POLR3A: variants seen among roughly 807,000 people sequenced by gnomAD.
The protein encoded by POLR3A is RNA polymerase III subunit A, also known as DNA-directed RNA polymerase III subunit RPC1.
POLR3A carries 112 observed loss-of-function variants against 152.8 expected under a neutral mutation model. That is an observed-to-expected ratio of 0.73 (90% CI 0.63 to 0.86). The LOEUF (loss-of-function observed/expected upper bound fraction) is 0.86. Among genes scored for constraint, POLR3A ranks in the 40% least tolerant of loss-of-function variants. POLR3A has a pLI of 0.00. For synonymous variants in POLR3A, 615 were observed against 652.1 expected (o/e 0.94, Z 0.87); for missense variants, 1,385 against 1,743.1 (o/e 0.79, Z 3.66).
Position 78,024,598 on chromosome 10 carries a change from G to A in POLR3A, c.596C>T (p.Thr199Ile), listed in dbSNP as rs773246544. 1 of 1,613,878 alleles carries A rather than the reference G, an allele frequency of 6.2e-7. No individual in the cohort carries two copies. Among genetic ancestry groups the A allele is most frequent in the African/African-American group, 1.3e-5 (1 of 74,884 alleles). ...IVSNFLQSFE[T>I]AIEHNKEVEP... Reference sequence around the variant, plus strand: ...CACTTCTTTATTATGTTCAATGGCTGTTTCAAAAGACTGAAGGAAATTTGA... The same window carrying A: ...CACTTCTTTATTATGTTCAATGGCTATTTCAAAAGACTGAAGGAAATTTGA... Residue 199 changes from threonine (T) to isoleucine (I), a missense_variant, in exon 5 of 31, where the codon ACA becomes ATA. Transcript: ENST00000372371.
chr10:77,986,280 A>T, intron 21 of POLR3A, 121 bp from the exon 22 acceptor site: 1 of 741,492 alleles, frequency 1.3e-6, no homozygotes, highest in Non-Finnish European at 2.5e-6. Context: ...AGCTCCATAT[A>T]TAGTATAAAG....
rs1447386652 is a variant in POLR3A at position 78,009,991 on chromosome 10, C to T, written c.1643G>A (p.Gly548Asp). ...GTCCTTGAGAGTGAGGAGATAGGCA[C>T]CTAAGCATTAGGAACCAACACAAAA... is the stretch of plus-strand genomic sequence containing the variant. Reference protein sequence around the residue: ...LIAAIQDFLTGAYLLTLKDTF... With the variant: ...LIAAIQDFLTDAYLLTLKDTF... Residue 548 changes from glycine (G) to aspartate (D), a missense_variant and splice_region_variant, in exon 13 of 31, where the codon GGT becomes GAT. Transcript: ENST00000372371. 1 of 1,613,900 alleles carries T rather than the reference C, an allele frequency of 6.2e-7. No individual in the cohort carries two copies. The highest frequency in any genetic ancestry group is 8.5e-7 in the Non-Finnish European group (1 of 1,179,854).
chr10:78,006,499 T>A (rs1027640352), intron 15 of POLR3A, among the ~76,000 whole-genome samples: 8 of 151,322 alleles, frequency 5.3e-5, no homozygotes, highest in Non-Finnish European at 1.2e-4. Flanking sequence ...GATAAAATTT[T>A]AAAAATCAAC....
Position 78,010,452 on chromosome 10 carries a change from G to A in POLR3A, c.1642+19C>T, listed in dbSNP as rs1242851974. On this transcript the variant is annotated intron_variant, in intron 12 of 30. Transcript: ENST00000372371. ...GTTCCAGTCAGAAATCTCCTTTCAAGTGAACTTCACCAACCTACCTGTTAG... is the reference window on the plus strand; with the variant it reads ...GTTCCAGTCAGAAATCTCCTTTCAAATGAACTTCACCAACCTACCTGTTAG... The A allele has an allele frequency of 6.3e-7, 1 of 1,582,394 alleles. No individual in the cohort carries two copies. Among genetic ancestry groups the A allele is most frequent in the Admixed American group, 1.7e-5 (1 of 59,978 alleles).
chr10:77,989,586 C>A (rs1353809131), intron 21 of POLR3A, among the ~76,000 whole-genome samples: 1 of 152,180 alleles, frequency 6.6e-6, no homozygotes, highest in Non-Finnish European at 1.5e-5. Flanking sequence ...CTGTGTTAAA[C>A]CTTTTCAAGG....
At chr10:78,026,053 A>C (rs530282797) in intron 2 of POLR3A, 41 bp downstream of exon 2, 1 of 1,610,890 alleles carries the variant, frequency 6.2e-7, no homozygotes, top group South Asian at 1.1e-5. Flanking sequence ...TTTTATCAGC[A>C]GGGCAAGACA....
chr10:78,014,119 T>C (rs1164976140), intron 10 of POLR3A, among the ~76,000 whole-genome samples: 1 of 150,734 alleles, frequency 6.6e-6, no homozygotes, highest in South Asian at 2.1e-4. Flanking sequence ...ATCGCGCCAT[T>C]GCACCCCAGC....
chr10:77,980,276 G>C lies in POLR3A; in HGVS notation c.3892-3C>G, dbSNP rs1847127624. On this transcript the variant is annotated splice_region_variant and splice_polypyrimidine_tract_variant and intron_variant, in intron 29 of 30. Transcript: ENST00000372371. The stretch of plus-strand genomic sequence containing the variant: ...CTAGTGATGCCCAGGACTTCACCCT[G>C]CGTCAAGGGAGAAAGAGTCACGGTG... 6.2e-7 allele frequency: 1 copy of C among 1,613,904 alleles called. No individual in the cohort carries two copies.
In POLR3A at chr10:78,010,535, T is replaced by C; in HGVS notation, c.1578A>G (p.Lys526=). The change falls in exon 12 of 31, where the codon AAA becomes AAG. Residue 526 remains lysine, a synonymous_variant. Coordinates refer to ENST00000372371, the MANE Select transcript of POLR3A (RefSeq NM_007055.4). ...CATTCCTCGGGGTTACAAGATTTGC[T>C]TTAGTCTGTAGGAAAAGTAAGCGCA... ...KAEALVLMGT[K]ANLVTPRNGE... The C allele has an allele frequency of 6.2e-7, 1 of 1,613,704 alleles. No individual in the cohort carries two copies. Among genetic ancestry groups the C allele is most frequent in the Non-Finnish European group, 8.5e-7 (1 of 1,179,578 alleles).
Position 77,976,287 on chromosome 10 carries a change from G to A in POLR3A, c.*1191C>T, listed in dbSNP as rs1017997612. On this transcript the variant is annotated 3_prime_UTR_variant, in exon 31 of 31. Transcript: ENST00000372371. ...AGGTACTACAGGCATGGGCCACCAT[G>A]CCTGGCTAATTTTTGTATTCTCTGT... is the stretch of plus-strand genomic sequence containing the variant. The A allele has an allele frequency of 1.1e-4, 17 of 151,844 alleles. No homozygotes were observed. Among genetic ancestry groups the A allele is most frequent in the African/African-American group, 4.1e-4 (17 of 41,326 alleles). The allele number at this position is 151,844 out of a possible 1,614,324, so 9.4% of individuals were successfully genotyped here.
intron 29 of POLR3A, among the ~76,000 whole-genome samples, chr10:77,981,205 G>GT (rs1447796284): frequency 6.6e-6 from 1 of 152,144 alleles, no homozygotes; most frequent in African/African-American, 2.4e-5. Context: ...CACCGACTGG[G>GT]TATGAGTTTG....
chr10:77,997,847 T>C (rs887536167), intron 19 of POLR3A, among the ~76,000 whole-genome samples: 8 of 151,670 alleles, frequency 5.3e-5, no homozygotes, highest in African/African-American at 1.7e-4. Context: ...CATCGCCAAG[T>C]CAATCCTAAG....
intron 10 of POLR3A, 62 bp downstream of exon 10, chr10:78,017,513 A>T: frequency 1.3e-6 from 2 of 1,522,306 alleles, no homozygotes; most frequent in Non-Finnish European, 9.1e-7. Flanking sequence ...TCCACTGTTT[A>T]GCACTGAACA....
chr10:77,980,401 C>T (rs2818828), intron 29 of POLR3A, 128 bp from the exon 30 acceptor site: 1 of 851,178 alleles, frequency 1.2e-6, no homozygotes. Context: ...GTGAAAGGCC[C>T]TGAGGAGCTA....
intron 21 of POLR3A, among the ~76,000 whole-genome samples, chr10:77,987,523 C>A (rs947584505): frequency 2.2e-4 from 33 of 152,056 alleles, no homozygotes; most frequent in African/African-American, 7.2e-4. Context: ...CTGAGGGTCC[C>A]CCAGAGAGAA....
chr10:78,005,245 C>A (rs866125914), intron 15 of POLR3A, among the ~76,000 whole-genome samples: 1 of 152,196 alleles, frequency 6.6e-6, no homozygotes, highest in East Asian at 1.9e-4. Context: ...GCCTATAATC[C>A]CAGCACTTTG....
intron 10 of POLR3A, among the ~76,000 whole-genome samples, chr10:78,014,723 AT>A (rs1300034167): frequency 2.0e-5 from 3 of 151,662 alleles, no homozygotes; most frequent in East Asian, 1.9e-4. Flanking sequence ...AAAAAAAAAA[AT>A]TTTTTTTCCT....
Position 77,993,367 on chromosome 10 carries a change from G to T in POLR3A, c.2617C>A (p.Arg873=). The change falls in exon 20 of 31, where the codon CGA becomes AGA. Residue 873 remains arginine, a splice_region_variant and synonymous_variant. Transcript: ENST00000372371. The stretch of plus-strand genomic sequence containing the variant: ...TCTTCAAGAGATTTGACAAGCCTTC[G>T]CTAAAGGAAAAGGAGGAAAAAGCTC... ...VKTAETGYMQ[R]RLVKSLEDLC... 2 of 1,612,862 alleles carry T rather than the reference G, an allele frequency of 1.2e-6. No homozygotes were observed. The highest frequency in any genetic ancestry group is 1.7e-6 in the Non-Finnish European group (2 of 1,178,940).
rs1441196815 is a variant in POLR3A, at chr10:77,976,308, T to A, written c.*1170A>T. On this transcript the variant is annotated 3_prime_UTR_variant, in exon 31 of 31. Transcript: ENST00000372371. ...CCATGCCTGGCTAATTTTTGTATTCTCTGTAGAGACGGGGTTTCGTCATGT... is the reference window on the plus strand; with the variant it reads ...CCATGCCTGGCTAATTTTTGTATTCACTGTAGAGACGGGGTTTCGTCATGT... 6.6e-6 allele frequency: 1 copy of A among 152,078 alleles called. No homozygotes were observed. The highest frequency in any genetic ancestry group is 1.5e-5 in the Non-Finnish European group (1 of 68,064). The allele number at this position is 152,078 out of a possible 1,614,324, so 9.4% of individuals were successfully genotyped here.
Sources: gnomAD v4.1 joint callset for allele counts (sites outside exome capture counted in the v4.1 genomes callset) on GRCh38, gnomAD v4.1.1 for gene constraint, MANE v1.5 for transcripts, NCBI Gene and HGNC (gene_info 2026-07-23, HGNC 2026-07-21) for gene names.